MRC1: variants seen among roughly 807,000 people sequenced by gnomAD.
MRC1 encodes macrophage mannose receptor 1.
MRC1 carries 62 observed loss-of-function variants against 102.9 expected under a neutral mutation model. That is an observed-to-expected ratio of 0.60 (90% confidence interval 0.49 to 0.74). The LOEUF (loss-of-function observed/expected upper bound fraction) is 0.74, where lower values mean the gene tolerates loss of function less well. MRC1 is among the 30% of genes least tolerant of loss of function. The probability of loss-of-function intolerance (pLI) is 0.00; values close to 1 mark genes in which losing one functional copy is unlikely to be tolerated. For synonymous variants in MRC1, 457 were observed against 298.4 expected (o/e 1.53, Z -5.48); for missense variants, 1,237 against 862.8 (o/e 1.43, Z -5.43).
At chr10:17,853,568 A>ATGTG (rs1280945593) in intron 8 of MRC1, among the ~76,000 whole-genome samples, 1 of 134,130 alleles carries the variant, frequency 7.5e-6, no homozygotes, top group African/African-American at 2.9e-5. Flanking sequence ...AGAGATATAT[A>ATGTG]TGTATGTGTG....
At chr10:17,859,446 T>C (rs920558416) in intron 9 of MRC1, among the ~76,000 whole-genome samples, 2 of 152,254 alleles carry the variant, frequency 1.3e-5, no homozygotes, top group South Asian at 4.1e-4. Flanking sequence ...GCCTCCCAAG[T>C]AGCTGGGACT....
chr10:17,868,287 G>C (rs907441974), intron 12 of MRC1, among the ~76,000 whole-genome samples: 1 of 152,178 alleles, frequency 6.6e-6, no homozygotes, highest in Non-Finnish European at 1.5e-5. Context: ...AGCTCCACAT[G>C]GCTGGGGAGG....
chr10:17,841,398 A>C (rs889094660), intron 5 of MRC1, among the ~76,000 whole-genome samples: 2 of 152,160 alleles, frequency 1.3e-5, no homozygotes, highest in Non-Finnish European at 2.9e-5. Flanking sequence ...TAAAAATACT[A>C]TCTCAGTTAC....
At chr10:17,859,850 G>GGAT (rs1253442870) in intron 9 of MRC1, among the ~76,000 whole-genome samples, 1 of 152,184 alleles carries the variant, frequency 6.6e-6, no homozygotes, top group Admixed American at 6.5e-5. Flanking sequence ...TCACTCATCT[G>GGAT]CAGCACAAAC....
chr10:17,903,823 G>A (rs1205181039), intron 26 of MRC1, among the ~76,000 whole-genome samples: 6 of 152,062 alleles, frequency 3.9e-5, no homozygotes, highest in Non-Finnish European at 7.4e-5. Context: ...AAGCATGGTG[G>A]TGGGTGCCTG....
At chr10:17,889,954 C>T (rs1833650729) in intron 22 of MRC1, among the ~76,000 whole-genome samples, 1 of 152,122 alleles carries the variant, frequency 6.6e-6, no homozygotes, top group Non-Finnish European at 1.5e-5. Context: ...GAGTTTCTGA[C>T]ATATATAATT....
Position 17,856,334 on chromosome 10 carries a change from C to G in MRC1, c.1500C>G (p.Val500=). The change falls in exon 9 of 30, where the codon GTC becomes GTG. Residue 500 remains valine, a synonymous_variant. Transcript: ENST00000569591. ...SRSQGPEIVE[V]EKGCRKGWKK... is the part of the protein sequence containing the mutation. ...GCCAAGGTCCAGAAATAGTGGAAGT[C>G]GAAAAAGGCTGCAGGAAAGTGAGTG... The G allele has an allele frequency of 2.3e-6, 2 of 855,996 alleles. No individual in the cohort carries two copies. Among genetic ancestry groups the G allele is most frequent in the Non-Finnish European group, 4.1e-6 (2 of 493,354 alleles). 53.0% of individuals were successfully genotyped at this position (855,996 alleles called of 1,614,324 possible).
intron 6 of MRC1, among the ~76,000 whole-genome samples, chr10:17,846,342 A>AT (rs34729031): frequency 1.3e-5 from 2 of 151,780 alleles, no homozygotes; most frequent in Non-Finnish European, 2.9e-5. Context: ...CAAACTACAT[A>AT]TTTTTTATTA....
chr10:17,907,178 C>A (rs993196966), intron 27 of MRC1, among the ~76,000 whole-genome samples, 179 bp downstream of exon 27: 202 of 152,204 alleles, frequency 1.3e-3, no homozygotes, highest in Non-Finnish European at 2.4e-3. Flanking sequence ...TCATGCTATC[C>A]TCAAAGTTGC....
At chr10:17,821,106 A>G (rs1001302375) in intron 1 of MRC1, among the ~76,000 whole-genome samples, 9 of 152,300 alleles carry the variant, frequency 5.9e-5, no homozygotes, top group Admixed American at 5.2e-4. Flanking sequence ...GTCTGGATCC[A>G]GGCTTTACTG....
At chr10:17,876,246 C>A in intron 17 of MRC1, among the ~76,000 whole-genome samples, 1 of 138,726 alleles carries the variant, frequency 7.2e-6, no homozygotes, top group East Asian at 2.1e-4. Flanking sequence ...AACTCAGAAT[C>A]TTTTTTTTTT....
intron 17 of MRC1, among the ~76,000 whole-genome samples, chr10:17,876,598 T>A (rs949816284): frequency 3.9e-5 from 6 of 152,184 alleles, no homozygotes; most frequent in Non-Finnish European, 7.3e-5. Flanking sequence ...CTTGATGGCT[T>A]TGAATTCACT....
chr10:17,812,920 G>A (rs1838247604), intron 1 of MRC1, among the ~76,000 whole-genome samples: 2 of 152,222 alleles, frequency 1.3e-5, no homozygotes, highest in East Asian at 1.9e-4. Flanking sequence ...GCAATATGGA[G>A]CCTTTCTAGG....
chr10:17,851,400 G>C (rs1247849037), intron 7 of MRC1, among the ~76,000 whole-genome samples: 2 of 151,936 alleles, frequency 1.3e-5, no homozygotes, highest in African/African-American at 4.8e-5. Flanking sequence ...ACATAATTGA[G>C]ATGATACCTT....
chr10:17,848,462 C>T (rs1325384350), intron 6 of MRC1, among the ~76,000 whole-genome samples: 1 of 152,132 alleles, frequency 6.6e-6, no homozygotes, highest in Non-Finnish European at 1.5e-5. Flanking sequence ...TCACTTTCCC[C>T]TAGCTCATTA....
rs1838739020 is a variant in MRC1 at position 17,840,840 on chromosome 10, A to G, written c.916+34A>G. 3 of 780,784 alleles carry G rather than the reference A, an allele frequency of 3.8e-6. No individual in the cohort carries two copies. In the South Asian group the frequency reaches 4.0e-5, roughly 10 times the overall value. 48.4% of individuals were successfully genotyped at this position (780,784 alleles called of 1,614,324 possible). ...AAGCCTGTTTGTGTCGAATTAATCCAAATTTAAGTCATCTAGACGCCCCGA... is the reference window on the plus strand; with the variant it reads ...AAGCCTGTTTGTGTCGAATTAATCCGAATTTAAGTCATCTAGACGCCCCGA... On this transcript the variant is annotated intron_variant, in intron 5 of 29. Coordinates refer to ENST00000569591, the MANE Select transcript of MRC1 (RefSeq NM_002438.4).
At chr10:17,848,385 A>C (rs886521193) in intron 6 of MRC1, among the ~76,000 whole-genome samples, 2,410 of 152,286 alleles carry the variant, frequency 0.016, 57 homozygotes, top group South Asian at 0.062. Flanking sequence ...GCTTATATGT[A>C]CCAGGCCCTG....
chr10:17,879,952 T>C (rs951667808), intron 19 of MRC1, 131 bp downstream of exon 19: 24 of 748,830 alleles, frequency 3.2e-5, no homozygotes, highest in Admixed American at 1.3e-4. Flanking sequence ...AGAATTCTAA[T>C]TTTGGCAGCC....
intron 22 of MRC1, among the ~76,000 whole-genome samples, chr10:17,893,322 A>C (rs1833707605): frequency 1.3e-5 from 2 of 151,686 alleles, no homozygotes; most frequent in Non-Finnish European, 1.5e-5. Flanking sequence ...TGCCCAGCTA[A>C]TTTTGTTTAT....
Sources: gnomAD v4.1 joint callset for allele counts (sites outside exome capture counted in the v4.1 genomes callset) on GRCh38, gnomAD v4.1.1 for gene constraint, MANE v1.5 for transcripts, NCBI Gene and HGNC (gene_info 2026-07-23, HGNC 2026-07-21) for gene names.